The following SNX31 variants were observed in gnomAD, a reference collection of about 807,000 sequenced individuals.
The protein encoded by SNX31 is sorting nexin 31, also known as sorting nexin-31.
Under a neutral mutation model 65.4 loss-of-function variants are expected in SNX31, and 58 were observed. The ratio of observed to expected loss-of-function variants is 0.89; its 90% CI spans 0.72 to 1.10. The LOEUF (loss-of-function observed/expected upper bound fraction) is 1.10. SNX31 is among the 50% of genes least tolerant of loss of function. The probability of loss-of-function intolerance (pLI) is 0.00; values close to 1 mark genes in which losing one functional copy is unlikely to be tolerated. For synonymous variants in SNX31, 181 were observed against 190.1 expected (o/e 0.95, Z 0.39); for missense variants, 523 against 529.7 (o/e 0.99, Z 0.12).
rs1818301944 is a variant in SNX31 at position 100,629,892 on chromosome 8, G to C, written c.321+435C>G. ...AAAGGTAGGAGTAGAGAATATACAA[G>C]GAATAGCCAGCATGGCCTGCTTTCC... On this transcript the variant is annotated intron_variant, in intron 4 of 13. Transcript: ENST00000311812. This position sits in a 1 kb window ranked among gnomAD's most constrained non-coding sequence, Gnocchi z 5.1. Among the ~76,000 whole-genome samples, 1 of 152,222 alleles carries C rather than the reference G, an allele frequency of 6.6e-6. No homozygotes were observed. The highest frequency in any genetic ancestry group is 1.5e-5 in the Non-Finnish European group (1 of 68,038).
chr8:100,615,874 A>G (rs771739644), intron 5 of SNX31, among the ~76,000 whole-genome samples: 1 of 152,070 alleles, frequency 6.6e-6, no homozygotes, highest in Non-Finnish European at 1.5e-5. Context: ...GGTTCACGCC[A>G]TTCTCCTGCC....
chr8:100,621,908 C>T (rs141879653), intron 4 of SNX31, among the ~76,000 whole-genome samples: 19 of 152,284 alleles, frequency 1.2e-4, no homozygotes, highest in Admixed American at 5.9e-4. Flanking sequence ...GCAGGGTCCT[C>T]GCCTTCAGCT....
chr8:100,612,097 G>A lies in SNX31; in HGVS notation c.524-10C>T, dbSNP rs1218896592. On this transcript the variant is annotated splice_polypyrimidine_tract_variant and intron_variant, in intron 6 of 13. Coordinates refer to ENST00000311812, the MANE Select transcript of SNX31 (RefSeq NM_152628.4). The surrounding 1 kb of genome is among the most constrained non-coding windows in gnomAD (Gnocchi z 4.3). ...GCCAATTTTTTCACAACTAGAGAAA[G>A]GAGAAAGCCGGTCTTACTGGTTGAA... The A allele has an allele frequency of 6.3e-7, 1 of 1,597,594 alleles. No individual in the cohort carries two copies. The highest frequency in any genetic ancestry group is 1.1e-5 in the South Asian group (1 of 90,676).
intron 8 of SNX31, among the ~76,000 whole-genome samples, chr8:100,605,486 G>A (rs1816065923): frequency 6.6e-6 from 1 of 152,116 alleles, no homozygotes; most frequent in African/African-American, 2.4e-5. Context: ...ACAATTTTTT[G>A]GAGACTTTGC....
intron 7 of SNX31, 54 bp downstream of exon 7, chr8:100,611,946 T>C: frequency 7.3e-7 from 1 of 1,370,250 alleles, no homozygotes; most frequent in Non-Finnish European, 1.0e-6. Flanking sequence ...TAAGTCCTGA[T>C]GGGCAATGGC....
chr8:100,582,552 A>G (rs1369960446), intron 12 of SNX31: 2 of 152,226 alleles, frequency 1.3e-5, no homozygotes, highest in Middle Eastern at 3.2e-3. Flanking sequence ...AGGTACGTTC[A>G]GTTCTAGAAG....
intron 10 of SNX31, among the ~76,000 whole-genome samples, chr8:100,591,532 A>T (rs1814591250): frequency 6.6e-6 from 1 of 151,212 alleles, no homozygotes; most frequent in Non-Finnish European, 1.5e-5. Flanking sequence ...CTTAAAAGCA[A>T]GCATCAAAAA....
chr8:100,586,280 A>G (rs566082318), intron 11 of SNX31, among the ~76,000 whole-genome samples: 11 of 152,188 alleles, frequency 7.2e-5, no homozygotes, highest in African/African-American at 2.7e-4. Context: ...CCTCATTTGT[A>G]TTTGCAAAGC....
chr8:100,616,718 A>G (rs1817237826), intron 5 of SNX31, among the ~76,000 whole-genome samples: 1 of 152,178 alleles, frequency 6.6e-6, no homozygotes, highest in Non-Finnish European at 1.5e-5. Context: ...GACGATGAAT[A>G]TAAGAGAGAC....
chr8:100,623,475 C>T (rs1817840873), intron 4 of SNX31, among the ~76,000 whole-genome samples: 1 of 152,224 alleles, frequency 6.6e-6, no homozygotes, highest in African/African-American at 2.4e-5. Context: ...ACCTCATCCA[C>T]TTTCCCCAGG....
intron 12 of SNX31, among the ~76,000 whole-genome samples, chr8:100,583,857 T>C (rs1807808): frequency 0.027 from 4,086 of 152,152 alleles, 196 homozygotes; most frequent in African/African-American, 0.092. Context: ...AAGTCGAGGG[T>C]TAGAATTCTC....
chr8:100,607,610 T>C (rs2130991699), intron 8 of SNX31, among the ~76,000 whole-genome samples: 1 of 152,328 alleles, frequency 6.6e-6, no homozygotes, highest in East Asian at 1.9e-4. Context: ...ACAGGATGAC[T>C]ATAGTAAAAA....
At chr8:100,579,838 A>G (rs1033239244) in intron 12 of SNX31, among the ~76,000 whole-genome samples, 2 of 152,206 alleles carry the variant, frequency 1.3e-5, no homozygotes, top group African/African-American at 4.8e-5. Context: ...GGGAAAATAT[A>G]CAAACTAGGT....
chr8:100,600,521 G>A, intron 8 of SNX31, 80 bp from the exon 9 acceptor site: 1 of 1,195,402 alleles, frequency 8.4e-7, no homozygotes, highest in Non-Finnish European at 1.2e-6. Flanking sequence ...TTGTATGAAG[G>A]GATATAAAAA....
chr8:100,623,284 T>G (rs959131005), intron 4 of SNX31, among the ~76,000 whole-genome samples: 20 of 152,140 alleles, frequency 1.3e-4, no homozygotes, highest in African/African-American at 4.3e-4. Flanking sequence ...CTCACTGTCA[T>G]GAGAACAGCA....
chr8:100,595,150 A>G (rs1318286827), intron 10 of SNX31, among the ~76,000 whole-genome samples: 1 of 152,202 alleles, frequency 6.6e-6, no homozygotes, highest in Non-Finnish European at 1.5e-5. Flanking sequence ...GGGGCCACAA[A>G]ACACGTTTCC....
upstream of SNX31, chr8:100,649,670 G>A: frequency 1.5e-6 from 1 of 647,950 alleles, no homozygotes; most frequent in Non-Finnish European, 2.5e-6. Context: ...ACATCTACAG[G>A]TGGGGCCGGG....
At chr8:100,596,440 G>C (rs1563528275) in intron 10 of SNX31, among the ~76,000 whole-genome samples, 199 bp downstream of exon 10, 1 of 152,250 alleles carries the variant, frequency 6.6e-6, no homozygotes, top group Non-Finnish European at 1.5e-5. Flanking sequence ...AAAGATCAAT[G>C]TCTCTGCTTC....
Position 100,588,030 on chromosome 8 carries a change from T to C in SNX31, c.1092+836A>G, listed in dbSNP as rs747171617. ...CTGTACAGTATGCTACTATACTGAA[T>C]AAATTCTGAGGCAATTGTAACACAA... is the stretch of plus-strand genomic sequence containing the variant. On this transcript the variant is annotated intron_variant, in intron 11 of 13. Coordinates refer to ENST00000311812, the MANE Select transcript of SNX31 (RefSeq NM_152628.4). This position sits in a 1 kb window ranked among gnomAD's most constrained non-coding sequence, Gnocchi z 4.8. Among the ~76,000 whole-genome samples the C allele has an allele frequency of 1.6e-4, 24 of 152,062 alleles. No individual in the cohort carries two copies. Among genetic ancestry groups the C allele is most frequent in the Non-Finnish European group, 3.1e-4 (21 of 68,012 alleles).
Sources: gnomAD v4.1 joint callset for allele counts (sites outside exome capture counted in the v4.1 genomes callset) on GRCh38, gnomAD v4.1.1 for gene constraint, Gnocchi (gnomAD v3.1) non-coding constraint, MANE v1.5 for transcripts, NCBI Gene and HGNC (gene_info 2026-07-23, HGNC 2026-07-21) for gene names.